Variants in CYB5R4 observed in about 807,000 individuals in gnomAD.
The protein encoded by CYB5R4 is cytochrome b5 reductase 4.
CYB5R4 carries 55 observed loss-of-function variants against 70.2 expected under a neutral mutation model. The ratio of observed to expected loss-of-function variants is 0.78; its 90% CI spans 0.63 to 0.98. CYB5R4 has a LOEUF of 0.98. Ranked by LOEUF, CYB5R4 falls within the 50% of genes least tolerant of loss-of-function variation. CYB5R4 has a pLI of 0.00. For missense variants in CYB5R4, 562 were observed against 612.6 expected (o/e 0.92, Z 0.87); for synonymous variants, 197 against 199.5 (o/e 0.99, Z 0.11).
intron 3 of CYB5R4, among the ~76,000 whole-genome samples, chr6:83,895,893 A>T (rs2099461814): frequency 6.6e-6 from 1 of 152,188 alleles, no homozygotes; most frequent in South Asian, 2.1e-4. Context: ...TGTGCCCAGT[A>T]TTTTAGCTGC....
intron 7 of CYB5R4, among the ~76,000 whole-genome samples, chr6:83,919,955 G>A (rs1163894082): frequency 1.3e-5 from 2 of 152,076 alleles, no homozygotes; most frequent in Non-Finnish European, 2.9e-5. Context: ...TGAAACTGAA[G>A]TTAGGGAGGT....
At chr6:83,925,281 C>G (rs2099467100) in intron 10 of CYB5R4, among the ~76,000 whole-genome samples, 1 of 152,004 alleles carries the variant, frequency 6.6e-6, no homozygotes, top group Admixed American at 6.6e-5. Context: ...TGTGTGAACT[C>G]TGTCACGAGA....
At chr6:83,862,868 G>A (rs1034907001) in intron 1 of CYB5R4, among the ~76,000 whole-genome samples, 2 of 152,202 alleles carry the variant, frequency 1.3e-5, no homozygotes, top group South Asian at 4.2e-4. Flanking sequence ...TTCAGTGATA[G>A]CCAGAATGGA....
rs748000526 is a variant in CYB5R4 at position 83,936,220 on chromosome 6, C to G, written c.956-4C>G. 6.8e-7 allele frequency: 1 copy of G among 1,461,104 alleles called. No individual in the cohort carries two copies. The highest frequency in any genetic ancestry group is 2.6e-5 in the Admixed American group (1 of 38,708). 90.5% of individuals were successfully genotyped at this position (1,461,104 alleles called of 1,614,324 possible). A position where few individuals can be genotyped will look rare whatever the true frequency, so the allele number is the denominator to read the frequency against. On this transcript the variant is annotated splice_region_variant and splice_polypyrimidine_tract_variant and intron_variant, in intron 11 of 15. Coordinates refer to ENST00000369681, the MANE Select transcript of CYB5R4 (RefSeq NM_016230.4). Reference sequence around the variant, plus strand: ...AATTATTTTGCTGTGATTTTTTTTTCTAGGTACAGAAATAGTAAAGCCATA... The same window carrying G: ...AATTATTTTGCTGTGATTTTTTTTTGTAGGTACAGAAATAGTAAAGCCATA...
chr6:83,906,794 C>G (rs908364156), intron 3 of CYB5R4, among the ~76,000 whole-genome samples: 1 of 152,174 alleles, frequency 6.6e-6, no homozygotes, highest in Non-Finnish European at 1.5e-5. Context: ...ACTTTACATA[C>G]TTACTATTTT....
At chr6:83,927,726 G>A (rs2099467548) in intron 10 of CYB5R4, among the ~76,000 whole-genome samples, 3 of 152,108 alleles carry the variant, frequency 2.0e-5, no homozygotes, top group South Asian at 2.1e-4. Context: ...AAACCATGTC[G>A]TTTTGGGTTT....
chr6:83,862,240 GACACAGAATATGCACTCA>G (rs1394272696), intron 1 of CYB5R4, among the ~76,000 whole-genome samples: 3 of 152,206 alleles, frequency 2.0e-5, no homozygotes, highest in Non-Finnish European at 4.4e-5. Flanking sequence ...ACTTGAGTGT[GACACAGAATATGCACTCA>G]ACATATGATA....
At chr6:83,955,719 C>A (rs190887251) in intron 15 of CYB5R4, among the ~76,000 whole-genome samples, 17 of 152,322 alleles carry the variant, frequency 1.1e-4, no homozygotes, top group Non-Finnish European at 7.3e-5. Context: ...AATATTGTTA[C>A]ACTCACAAGA....
intron 2 of CYB5R4, among the ~76,000 whole-genome samples, chr6:83,892,122 G>T (rs533817635): frequency 6.6e-6 from 1 of 152,220 alleles, no homozygotes; most frequent in South Asian, 2.1e-4. Context: ...GGGACTCTAG[G>T]CATATGGGGA....
At chr6:83,934,333 A>T (rs959507851) in intron 10 of CYB5R4, among the ~76,000 whole-genome samples, 1 of 152,142 alleles carries the variant, frequency 6.6e-6, no homozygotes, top group African/African-American at 2.4e-5. Context: ...ACATGCTATA[A>T]TAACAGATAT....
chr6:83,892,268 A>T (rs1191427017), intron 2 of CYB5R4, among the ~76,000 whole-genome samples: 1 of 152,140 alleles, frequency 6.6e-6, no homozygotes, highest in Non-Finnish European at 1.5e-5. Flanking sequence ...TTATTTTCTA[A>T]TATATAGCTG....
In CYB5R4 at chr6:83,965,724, G is replaced by C. The variant is rs532939301; in HGVS notation, c.*5846G>C. On this transcript the variant is annotated 3_prime_UTR_variant, in exon 16 of 16. Transcript: ENST00000369681. ...GGGTGGGATGATATGGTTTGGCTCTGTGTCCCCACCCAAATTTCATCTTGA... is the reference window on the plus strand; with the variant it reads ...GGGTGGGATGATATGGTTTGGCTCTCTGTCCCCACCCAAATTTCATCTTGA... 6.6e-6 allele frequency: 1 copy of C among 152,290 alleles called. No individual in the cohort carries two copies. Among genetic ancestry groups the C allele is most frequent in the African/African-American group, 2.4e-5 (1 of 41,558 alleles). The allele number at this position is 152,290 out of a possible 1,614,324, so 9.4% of individuals were successfully genotyped here.
At chr6:83,863,057 A>G (rs2099456197) in intron 1 of CYB5R4, among the ~76,000 whole-genome samples, 1 of 152,264 alleles carries the variant, frequency 6.6e-6, no homozygotes, top group Non-Finnish European at 1.5e-5. Flanking sequence ...CAAATTAGTC[A>G]GACAAGCTTA....
At chr6:83,883,191 A>G (rs1398106889) in intron 2 of CYB5R4, among the ~76,000 whole-genome samples, 1 of 152,222 alleles carries the variant, frequency 6.6e-6, no homozygotes, top group Non-Finnish European at 1.5e-5. Flanking sequence ...AACAGAGAGG[A>G]AAATTATCAG....
At chr6:83,931,160 A>G (rs1475519512) in intron 10 of CYB5R4, among the ~76,000 whole-genome samples, 1 of 152,240 alleles carries the variant, frequency 6.6e-6, no homozygotes, top group African/African-American at 2.4e-5. Flanking sequence ...ACTTGGCTAT[A>G]GTGATTGGCT....
intron 10 of CYB5R4, among the ~76,000 whole-genome samples, chr6:83,932,643 C>T (rs10080466): frequency 0.15 from 23,113 of 151,662 alleles, 3,365 homozygotes; most frequent in African/African-American, 0.37. Context: ...ACCTGGAGCT[C>T]ATCCTCTTTC....
chr6:83,908,211 G>A (rs975558896), intron 3 of CYB5R4, among the ~76,000 whole-genome samples: 1 of 152,046 alleles, frequency 6.6e-6, no homozygotes, highest in Non-Finnish European at 1.5e-5. Flanking sequence ...GTTTTGATTT[G>A]CATTTCTCAA....
At chr6:83,924,362 C>T in intron 9 of CYB5R4, 108 bp from the exon 10 acceptor site, 1 of 1,069,872 alleles carries the variant, frequency 9.3e-7, no homozygotes. Flanking sequence ...ATAATCAGTA[C>T]CATTCATATT....
intron 15 of CYB5R4, among the ~76,000 whole-genome samples, chr6:83,956,310 C>T (rs1194159837): frequency 6.6e-6 from 1 of 152,106 alleles, no homozygotes; most frequent in African/African-American, 2.4e-5. Context: ...AGACATCAAT[C>T]AAATACATTT....
Sources: gnomAD v4.1 joint callset for allele counts (sites outside exome capture counted in the v4.1 genomes callset) on GRCh38, gnomAD v4.1.1 for gene constraint, MANE v1.5 for transcripts, NCBI Gene and HGNC (gene_info 2026-07-23, HGNC 2026-07-21) for gene names.